MCPH1: variants seen among roughly 807,000 people sequenced by gnomAD.
The protein encoded by MCPH1 is microcephalin.
A neutral mutation model predicts 84.5 loss-of-function variants in MCPH1; 104 were observed. The observed-to-expected ratio is 1.23, with a 90% CI of 1.05 to 1.45. The LOEUF (loss-of-function observed/expected upper bound fraction) is 1.45, where lower values mean the gene tolerates loss of function less well. MCPH1 is among the 40% of genes most tolerant of loss of function. The pLI is 0.00. For synonymous variants in MCPH1, 514 were observed against 366.8 expected (o/e 1.40, Z -4.58); for missense variants, 1,498 against 1,005.7 (o/e 1.49, Z -6.62).
At chr8:6,431,706 A>G (rs1801867926) in intron 4 of MCPH1, 120 bp downstream of exon 4, 1 of 676,650 alleles carries the variant, frequency 1.5e-6, no homozygotes. Flanking sequence ...TATGCTATTG[A>G]TGATATTGTT....
intron 9 of MCPH1, among the ~76,000 whole-genome samples, chr8:6,468,218 C>A (rs1419743444): frequency 6.6e-6 from 1 of 152,176 alleles, no homozygotes; most frequent in Non-Finnish European, 1.5e-5. Context: ...TCTCCTCCTG[C>A]CACTGCCCCT....
At chr8:6,469,649 A>G (rs1379108520) in intron 9 of MCPH1, among the ~76,000 whole-genome samples, 3 of 152,180 alleles carry the variant, frequency 2.0e-5, no homozygotes, top group Non-Finnish European at 4.4e-5. Context: ...AATTAATTTC[A>G]CTGTTTACCA....
At chr8:6,481,111 G>A (rs1033549580) in intron 11 of MCPH1, among the ~76,000 whole-genome samples, 4 of 152,212 alleles carry the variant, frequency 2.6e-5, no homozygotes, top group Non-Finnish European at 4.4e-5. Context: ...AGCAGGAAGT[G>A]AGTAGCCTCT....
chr8:6,424,219 G>C (rs1238414417), intron 3 of MCPH1, among the ~76,000 whole-genome samples: 1 of 152,144 alleles, frequency 6.6e-6, no homozygotes, highest in Admixed American at 6.5e-5. Context: ...ACATAAAGTT[G>C]AAATAAAGGT....
chr8:6,521,379 C>G (rs1336293031), intron 12 of MCPH1: 1 of 1,613,136 alleles, frequency 6.2e-7, no homozygotes, highest in Non-Finnish European at 8.5e-7. Context: ...ATGTGCTTGT[C>G]TTCCATAGCT....
At chr8:6,484,233 A>C (rs576639982) in intron 11 of MCPH1, among the ~76,000 whole-genome samples, 2 of 152,382 alleles carry the variant, frequency 1.3e-5, no homozygotes, top group East Asian at 3.9e-4. Context: ...CAGCTCAAAC[A>C]AAAAATGGCA....
rs1586312480 is a variant in MCPH1 at position 6,519,733 on chromosome 8, A to G, written c.2214+19804A>G. On this transcript the variant is annotated intron_variant, in intron 12 of 13. Transcript: ENST00000344683. ...AGCACTCTAGGCGAGGTAGCTGCCCAGTAACTATGGCTTTGTACTGTGTGA... is the reference window on the plus strand; with the variant it reads ...AGCACTCTAGGCGAGGTAGCTGCCCGGTAACTATGGCTTTGTACTGTGTGA... The G allele has an allele frequency of 6.1e-6, 7 of 1,138,672 alleles. No homozygotes were observed. In the East Asian group the frequency reaches 1.8e-4, roughly 29 times the overall value. The allele number at this position is 1,138,672 out of a possible 1,614,324, so 70.5% of individuals were successfully genotyped here. A position where few individuals can be genotyped will look rare whatever the true frequency, so the allele number is the denominator to read the frequency against.
intron 8 of MCPH1, chr8:6,447,281 C>T (rs1804542031): frequency 1.0e-6 from 1 of 985,230 alleles, no homozygotes. Flanking sequence ...AACCATAAAG[C>T]CTTCAGTTTC....
chr8:6,573,382 A>G (rs17624865), intron 12 of MCPH1, among the ~76,000 whole-genome samples: 6,619 of 152,270 alleles, frequency 0.043, 215 homozygotes, highest in East Asian at 0.12. Context: ...GGGGTGATCA[A>G]TAGGCCTTCT....
chr8:6,634,526 A>T (rs544379695), intron 13 of MCPH1, among the ~76,000 whole-genome samples: 2 of 152,252 alleles, frequency 1.3e-5, no homozygotes, highest in African/African-American at 2.4e-5. Flanking sequence ...GCAGGCACGC[A>T]TAAGTGTAAA....
At chr8:6,605,008 G>A (rs1162388132) in intron 12 of MCPH1, among the ~76,000 whole-genome samples, 1 of 152,036 alleles carries the variant, frequency 6.6e-6, no homozygotes, top group Non-Finnish European at 1.5e-5. Flanking sequence ...CATTTCAGAG[G>A]GGAAGAACTA....
chr8:6,622,105 C>T, intron 13 of MCPH1: 1 of 329,970 alleles, frequency 3.0e-6, no homozygotes, highest in East Asian at 8.2e-5. Context: ...TCCCTGTCAT[C>T]TCCTCTCCCA....
intron 12 of MCPH1, among the ~76,000 whole-genome samples, chr8:6,580,652 ACC>A (rs2129577006): frequency 6.6e-6 from 1 of 152,240 alleles, no homozygotes; most frequent in African/African-American, 2.4e-5. Context: ...CTCTATCTCA[ACC>A]ACAAAAACAA....
At chr8:6,632,962 C>T (rs1247035185) in intron 13 of MCPH1, among the ~76,000 whole-genome samples, 1 of 151,532 alleles carries the variant, frequency 6.6e-6, no homozygotes, top group East Asian at 1.9e-4. Context: ...TTTTTCTAAT[C>T]CATTAATTTT....
At position 6,521,319 on chromosome 8, in the gene MCPH1, C is replaced by T. The variant is rs1817295820; in HGVS notation, c.2214+21390C>T. ...TCAATGATGGAATTTTGCTTGGATACTAACACCTGTAGCTGATCTTTCTCT... is the reference window on the plus strand; with the variant it reads ...TCAATGATGGAATTTTGCTTGGATATTAACACCTGTAGCTGATCTTTCTCT... On this transcript the variant is annotated intron_variant, in intron 12 of 13. Transcript: ENST00000344683. 2.5e-6 allele frequency: 4 copies of T among 1,613,670 alleles called. No individual in the cohort carries two copies. The South Asian group carries it at 3.3e-5, about 13-fold the overall frequency.
intron 12 of MCPH1, among the ~76,000 whole-genome samples, chr8:6,579,982 T>C (rs1827421284): frequency 6.6e-6 from 1 of 152,220 alleles, no homozygotes; most frequent in Admixed American, 6.5e-5. Context: ...AAACTAAATG[T>C]GGCTGCCCCA....
At chr8:6,559,544 C>A (rs370141139) in intron 12 of MCPH1, among the ~76,000 whole-genome samples, 19,487 of 152,046 alleles carry the variant, frequency 0.13, 1,325 homozygotes, top group South Asian at 0.18. Flanking sequence ...AAATGTTTGC[C>A]TCCGTAGTAG....
intron 3 of MCPH1, among the ~76,000 whole-genome samples, chr8:6,427,830 T>C (rs1275592377): frequency 1.3e-5 from 2 of 151,104 alleles, no homozygotes; most frequent in Non-Finnish European, 2.9e-5. Context: ...TGTCGCTCTG[T>C]CGCCCAGACT....
intron 13 of MCPH1, among the ~76,000 whole-genome samples, chr8:6,622,451 A>C (rs2454526): frequency 0.068 from 10,340 of 152,220 alleles, 1,187 homozygotes; most frequent in African/African-American, 0.24. Context: ...TGTGCTAGAA[A>C]TTACCTGCCC....
Sources: allele counts gnomAD v4.1 joint callset (sites outside exome capture counted in the v4.1 genomes callset), GRCh38; gene constraint gnomAD v4.1.1; transcripts MANE v1.5; gene names NCBI Gene and HGNC (gene_info 2026-07-23, HGNC 2026-07-21).